ULK4: variants seen among roughly 807,000 people sequenced by gnomAD.
The protein encoded by ULK4 is inactive serine/threonine-protein kinase ULK4.
Under a neutral mutation model 160.6 loss-of-function variants are expected in ULK4, and 133 were observed. The ratio of observed to expected loss-of-function variants is 0.83; its 90% CI spans 0.72 to 0.96. The LOEUF (loss-of-function observed/expected upper bound fraction) is 0.96. ULK4 is among the 40% of genes least tolerant of loss of function. ULK4 has a pLI of 0.00. For synonymous variants in ULK4, 534 were observed against 539.8 expected (o/e 0.99, Z 0.15); for missense variants, 1,580 against 1,499.5 (o/e 1.05, Z -0.89).
chr3:41,771,044 G>GAATATTAA, intron 21 of ULK4, among the ~76,000 whole-genome samples: 1 of 152,086 alleles, frequency 6.6e-6, no homozygotes, highest in Non-Finnish European at 1.5e-5. Flanking sequence ...GAATTAAAAC[G>GAATATTAA]GACATATTTT....
chr3:41,433,869 G>A (rs553900223), intron 34 of ULK4, among the ~76,000 whole-genome samples: 145 of 152,258 alleles, frequency 9.5e-4, no homozygotes, highest in Middle Eastern at 3.4e-3. Context: ...ACAGGCGCCC[G>A]CCACCACACC....
chr3:41,736,232 G>A (rs546529058), intron 22 of ULK4, among the ~76,000 whole-genome samples: 19,309 of 150,690 alleles, frequency 0.13, 4,080 homozygotes, highest in African/African-American at 0.44. Context: ...GGGTCAAATG[G>A]TATTTCTAGT....
intron 21 of ULK4, among the ~76,000 whole-genome samples, chr3:41,766,331 A>G (rs2039162624): frequency 6.6e-6 from 1 of 152,218 alleles, no homozygotes; most frequent in African/African-American, 2.4e-5. Context: ...TCTACTACAT[A>G]CTTACTCTAA....
At chr3:41,690,873 C>T (rs1382852848) in intron 27 of ULK4, among the ~76,000 whole-genome samples, 1 of 151,810 alleles carries the variant, frequency 6.6e-6, no homozygotes, top group African/African-American at 2.4e-5. Context: ...AATCCAAGCT[C>T]ATAATGTTAT....
intron 30 of ULK4, among the ~76,000 whole-genome samples, chr3:41,655,940 G>A (rs2034921199): frequency 6.6e-6 from 1 of 152,168 alleles, no homozygotes; most frequent in African/African-American, 2.4e-5. Flanking sequence ...ATAATAAATT[G>A]AAAGGCAAGC....
At chr3:41,704,579 A>T (rs1437821889) in intron 27 of ULK4, among the ~76,000 whole-genome samples, 2 of 152,168 alleles carry the variant, frequency 1.3e-5, no homozygotes, top group Non-Finnish European at 2.9e-5. Context: ...CAATTTTGCC[A>T]CCCAGAGGAC....
chr3:41,495,758 A>C (rs796853730), intron 32 of ULK4, among the ~76,000 whole-genome samples: 43 of 152,032 alleles, frequency 2.8e-4, no homozygotes, highest in African/African-American at 1.0e-3. Flanking sequence ...CCCATCAAAA[A>C]GTGGGCAAAG....
rs202223990 is a variant in ULK4, at chr3:41,643,566, C to T, written c.3071+20041G>A. On this transcript the variant is annotated intron_variant, in intron 30 of 36. Transcript: ENST00000301831. ...ATTGATCTATATCTCTGTTTTGGTA[C>T]CAGTACCGTGCTGTTTTGGTTACTG... Among the ~76,000 whole-genome samples the T allele has an allele frequency of 3.9e-5, 6 of 152,294 alleles. No homozygotes were observed. The East Asian group carries it at 1.2e-3, about 29-fold the overall frequency.
In ULK4 at chr3:41,780,284, G is replaced by A. The variant is rs530143399; in HGVS notation, c.2193+9377C>T. 1.8e-4 allele frequency among the ~76,000 whole-genome samples: 28 copies of A among 152,088 alleles called. 1 individual carries two copies. The highest frequency in any genetic ancestry group is 4.3e-4 in the African/African-American group (18 of 41,522). ...GATCACACCACTGTACTCCAGCCTC[G>A]GAGAAAGAGACCCCACCCTGGGTCA... On this transcript the variant is annotated intron_variant, in intron 21 of 36. Coordinates refer to ENST00000301831, the MANE Select transcript of ULK4 (RefSeq NM_017886.4).
intron 21 of ULK4, among the ~76,000 whole-genome samples, chr3:41,764,373 G>C (rs1462276223): frequency 6.6e-6 from 1 of 152,068 alleles, no homozygotes; most frequent in Non-Finnish European, 1.5e-5. Flanking sequence ...AAAGATTGAA[G>C]ACTCCATAGT....
intron 35 of ULK4, among the ~76,000 whole-genome samples, chr3:41,346,325 G>A (rs145870919): frequency 4.6e-4 from 70 of 152,202 alleles, no homozygotes; most frequent in African/African-American, 1.7e-3. Context: ...CAACATCCAG[G>A]ACTTATTTTT....
At chr3:41,834,160 G>C (rs1399567158) in intron 18 of ULK4, among the ~76,000 whole-genome samples, 1 of 151,810 alleles carries the variant, frequency 6.6e-6, no homozygotes, top group Non-Finnish European at 1.5e-5. Context: ...ACTTTCCAGT[G>C]TTCTAGGTTT....
At chr3:41,321,314 G>C (rs2080240886) in intron 35 of ULK4, among the ~76,000 whole-genome samples, 1 of 152,168 alleles carries the variant, frequency 6.6e-6, no homozygotes, top group South Asian at 2.1e-4. Context: ...TTTCCGTGTA[G>C]AAACCTTGCT....
At chr3:41,769,680 T>C (rs764704834) in intron 21 of ULK4, among the ~76,000 whole-genome samples, 2 of 152,216 alleles carry the variant, frequency 1.3e-5, no homozygotes, top group African/African-American at 4.8e-5. Context: ...TTTAAAATGA[T>C]AGGAATCTCT....
At chr3:41,349,002 T>C (rs186278903) in intron 35 of ULK4, among the ~76,000 whole-genome samples, 4 of 152,206 alleles carry the variant, frequency 2.6e-5, no homozygotes, top group Admixed American at 2.6e-4. Context: ...GGCTAAGTGG[T>C]TTATTCTTCC....
chr3:41,683,541 C>T (rs574534362), intron 27 of ULK4, among the ~76,000 whole-genome samples: 1 of 151,554 alleles, frequency 6.6e-6, no homozygotes, highest in Non-Finnish European at 1.5e-5. Context: ...TCCAGCCTCC[C>T]TGTGACCCCT....
At chr3:41,536,875 A>G (rs2086519454) in intron 32 of ULK4, among the ~76,000 whole-genome samples, 1 of 151,944 alleles carries the variant, frequency 6.6e-6, no homozygotes, top group African/African-American at 2.4e-5. Context: ...TGTTTTTTTC[A>G]TTTCTCTAAA....
At chr3:41,863,841 A>C (rs976213040) in intron 17 of ULK4, among the ~76,000 whole-genome samples, 1 of 149,870 alleles carries the variant, frequency 6.7e-6, no homozygotes. Context: ...GTCCTCCCCC[A>C]CTCTTTCCTC....
At chr3:41,488,515 T>C (rs954792373) in intron 32 of ULK4, among the ~76,000 whole-genome samples, 3 of 152,190 alleles carry the variant, frequency 2.0e-5, no homozygotes, top group African/African-American at 7.2e-5. Flanking sequence ...ATTTTTATCA[T>C]GAATATGCAT....
Sources: gnomAD v4.1 joint callset for allele counts (sites outside exome capture counted in the v4.1 genomes callset) on GRCh38, gnomAD v4.1.1 for gene constraint, MANE v1.5 for transcripts, NCBI Gene and HGNC (gene_info 2026-07-23, HGNC 2026-07-21) for gene names.